The following CNTNAP5 variants were observed in gnomAD, a reference collection of about 807,000 sequenced individuals.
CNTNAP5 encodes contactin-associated protein-like 5.
A neutral mutation model predicts 150.2 loss-of-function variants in CNTNAP5; 72 were observed. The observed-to-expected ratio is 0.48, with a 90% CI of 0.40 to 0.58. CNTNAP5 has a LOEUF of 0.58. Ranked by LOEUF, CNTNAP5 falls within the 20% of genes least tolerant of loss-of-function variation. The pLI is 0.00. For synonymous variants in CNTNAP5, 672 were observed against 619.8 expected, an observed-to-expected ratio of 1.08 and a Z score of -1.25; for missense variants, 1,636 against 1,626.2, an observed-to-expected ratio of 1.01 and a Z score of -0.10.
chr2:124,639,020 T>TC (rs1365037358), intron 12 of CNTNAP5, among the ~76,000 whole-genome samples: 3 of 152,246 alleles, frequency 2.0e-5, no homozygotes, highest in African/African-American at 7.2e-5. Flanking sequence ...AAACATCCTT[T>TC]CCCACCATGT....
At chr2:124,584,118 C>T (rs1232183411) in intron 11 of CNTNAP5, among the ~76,000 whole-genome samples, 4 of 152,144 alleles carry the variant, frequency 2.6e-5, no homozygotes, top group Non-Finnish European at 5.9e-5. Context: ...TACAGGTATA[C>T]CTCCAAACAG....
At chr2:124,808,845 CA>C (rs1682139739) in intron 19 of CNTNAP5, among the ~76,000 whole-genome samples, 1 of 151,960 alleles carries the variant, frequency 6.6e-6, no homozygotes, top group Admixed American at 6.5e-5. Context: ...GAAGTTGAAC[CA>C]AAGATTGTCC....
rs1364090177 is a variant in CNTNAP5 at position 124,917,568 on chromosome 2, T to A, written c.*3280T>A. On this transcript the variant is annotated 3_prime_UTR_variant, in exon 24 of 24. Coordinates refer to ENST00000682447, the MANE Select transcript of CNTNAP5 (RefSeq NM_001367498.1). ...CCTAGCGGTGATGTTTTAAAACAACTTTTTTCCTCTCCTTAGTAATAACAG... is the reference window on the plus strand; with the variant it reads ...CCTAGCGGTGATGTTTTAAAACAACATTTTTCCTCTCCTTAGTAATAACAG... 1.3e-5 allele frequency among the ~76,000 whole-genome samples: 2 copies of A among 152,090 alleles called. No individual in the cohort carries two copies. Among genetic ancestry groups the A allele is most frequent in the South Asian group, 2.1e-4 (1 of 4,832 alleles).
chr2:124,898,333 A>C (rs970529296), intron 21 of CNTNAP5, among the ~76,000 whole-genome samples: 1 of 151,374 alleles, frequency 6.6e-6, no homozygotes, highest in South Asian at 2.1e-4. Context: ...TTTTTAGCGA[A>C]TTTCTGATCT....
At chr2:124,135,816 T>G (rs1433242559) in intron 1 of CNTNAP5, among the ~76,000 whole-genome samples, 1 of 152,238 alleles carries the variant, frequency 6.6e-6, no homozygotes, top group Non-Finnish European at 1.5e-5. Flanking sequence ...CTGTGATACT[T>G]GCCAGTGTCT....
At chr2:124,864,200 T>A (rs1232217941) in intron 19 of CNTNAP5, among the ~76,000 whole-genome samples, 1 of 152,194 alleles carries the variant, frequency 6.6e-6, no homozygotes, top group African/African-American at 2.4e-5. Context: ...ATATAGAATG[T>A]CTTTCAAACA....
At chr2:124,392,544 A>G (rs1691141203) in intron 3 of CNTNAP5, among the ~76,000 whole-genome samples, 1 of 152,098 alleles carries the variant, frequency 6.6e-6, no homozygotes, top group Non-Finnish European at 1.5e-5. Flanking sequence ...CAAAGAAGTA[A>G]AGCCATATTG....
intron 19 of CNTNAP5, among the ~76,000 whole-genome samples, chr2:124,815,697 A>C (rs936155813): frequency 6.6e-6 from 1 of 151,814 alleles, no homozygotes; most frequent in African/African-American, 2.4e-5. Context: ...GAAAATATAC[A>C]ACTCCAGTTT....
chr2:124,379,881 T>C (rs1690744810), intron 3 of CNTNAP5, among the ~76,000 whole-genome samples: 2 of 152,048 alleles, frequency 1.3e-5, no homozygotes, highest in South Asian at 2.1e-4. Flanking sequence ...GAGGAGAGGG[T>C]GAAGAGGGTT....
At chr2:124,167,965 G>A (rs1022640187) in intron 1 of CNTNAP5, among the ~76,000 whole-genome samples, 1 of 152,122 alleles carries the variant, frequency 6.6e-6, no homozygotes, top group Non-Finnish European at 1.5e-5. Context: ...AAGGAGGCAC[G>A]TTTTTATTCC....
chr2:124,353,286 C>CAAAAAAA (rs565907115), intron 3 of CNTNAP5, among the ~76,000 whole-genome samples: 1 of 88,256 alleles, frequency 1.1e-5, no homozygotes, highest in Non-Finnish European at 2.1e-5. Flanking sequence ...AAAAACAGAC[C>CAAAAAAA]AAAAAAAAAA....
chr2:124,625,700 C>T (rs1445916181), intron 12 of CNTNAP5, among the ~76,000 whole-genome samples: 2 of 152,138 alleles, frequency 1.3e-5, no homozygotes, highest in East Asian at 1.9e-4. Context: ...TCTTTTACTG[C>T]AGATAACTGG....
chr2:124,193,234 G>A (rs1685500614), intron 1 of CNTNAP5, among the ~76,000 whole-genome samples: 1 of 152,134 alleles, frequency 6.6e-6, no homozygotes, highest in South Asian at 2.1e-4. Flanking sequence ...TTCAAACAAG[G>A]TCACATTTAC....
intron 19 of CNTNAP5, among the ~76,000 whole-genome samples, chr2:124,821,210 T>C (rs988910601): frequency 5.3e-5 from 8 of 152,154 alleles, no homozygotes; most frequent in Admixed American, 1.3e-4. Context: ...CCCACTCCAC[T>C]TACCGATAAG....
At chr2:124,335,543 AC>A (rs1689448973) in intron 3 of CNTNAP5, among the ~76,000 whole-genome samples, 2 of 150,620 alleles carry the variant, frequency 1.3e-5, no homozygotes, top group African/African-American at 4.9e-5. Context: ...CAAAATGAAG[AC>A]CAATTCTGGG....
At chr2:124,629,417 C>T (rs1176213387) in intron 12 of CNTNAP5, among the ~76,000 whole-genome samples, 1 of 152,160 alleles carries the variant, frequency 6.6e-6, no homozygotes, top group East Asian at 1.9e-4. Flanking sequence ...CCACTCAAAA[C>T]CACACAGCTA....
intron 3 of CNTNAP5, among the ~76,000 whole-genome samples, chr2:124,381,363 G>A (rs1209295258): frequency 6.6e-6 from 1 of 152,152 alleles, no homozygotes; most frequent in Non-Finnish European, 1.5e-5. Flanking sequence ...CAGAACAAGT[G>A]CAGGAGTGAC....
chr2:124,270,056 C>T (rs977315419), intron 3 of CNTNAP5, among the ~76,000 whole-genome samples: 2 of 152,136 alleles, frequency 1.3e-5, no homozygotes, highest in African/African-American at 4.8e-5. Context: ...TGGCTCATGC[C>T]TGTAATCCCA....
At chr2:124,375,674 G>A (rs1690629193) in intron 3 of CNTNAP5, among the ~76,000 whole-genome samples, 1 of 152,066 alleles carries the variant, frequency 6.6e-6, no homozygotes, top group African/African-American at 2.4e-5. Flanking sequence ...TGGTTTGGGG[G>A]ACTGTGCTAT....
Sources: gnomAD v4.1 joint callset for allele counts (sites outside exome capture counted in the v4.1 genomes callset) on GRCh38, gnomAD v4.1.1 for gene constraint, MANE v1.5 for transcripts, NCBI Gene and HGNC (gene_info 2026-07-23, HGNC 2026-07-21) for gene names.